CREB1: variants seen among roughly 807,000 people sequenced by gnomAD.
CREB1 encodes cyclic AMP-responsive element-binding protein 1.
CREB1 carries 2 observed loss-of-function variants against 42.0 expected under a neutral mutation model. The ratio of observed to expected loss-of-function variants is 0.05; its 90% CI spans 0.02 to 0.15. The LOEUF (loss-of-function observed/expected upper bound fraction) is 0.15, where lower values mean the gene tolerates loss of function less well. CREB1 is among the 10% of genes least tolerant of loss of function. The pLI, the probability that CREB1 is intolerant of heterozygous loss-of-function variation, is 1.00. For missense variants in CREB1, 199 were observed against 388.9 expected, an observed-to-expected ratio of 0.51 and a Z score of 4.11; for synonymous variants, 123 against 139.9, an observed-to-expected ratio of 0.88 and a Z score of 0.85.
At chr2:207,585,614 A>C (rs1014621421) in intron 7 of CREB1, among the ~76,000 whole-genome samples, 1 of 152,234 alleles carries the variant, frequency 6.6e-6, no homozygotes, top group Non-Finnish European at 1.5e-5. Flanking sequence ...CTGAAAAGGA[A>C]TTGAAAATAA....
chr2:207,553,663 A>ATT lies in CREB1; in HGVS notation c.-8-1964_-8-1963dup, dbSNP rs1185844638. 9.1e-4 allele frequency among the ~76,000 whole-genome samples: 139 copies of ATT among 152,326 alleles called. 2 individuals are homozygous for ATT. Among genetic ancestry groups the ATT allele is most frequent in the African/African-American group, 3.2e-3 (132 of 41,584 alleles). ...CATGATTAAAGTATAGTTTTGGCTTATTAAAGTGTTATATATGTCTTCTGA... is the reference window on the plus strand; with the variant it reads ...CATGATTAAAGTATAGTTTTGGCTTATTTTAAAGTGTTATATATGTCTTCTGA... On this transcript the variant is annotated intron_variant, in intron 1 of 7. Transcript: ENST00000353267.
Position 207,577,548 on chromosome 2 carries a change from C to G in CREB1, c.732C>G (p.Pro244=). The part of the protein sequence containing the change: ...DVQTYQIRTA[P]TSTIAPGVVM... ...AAACATACCAGATTCGCACAGCACC[C>G]ACTAGCACTATTGCCCCTGGAGTTG... is the stretch of plus-strand genomic sequence containing the variant. The change falls in exon 7 of 8, where the codon CCC becomes CCG. Residue 244 remains proline (P), a synonymous_variant. Coordinates refer to ENST00000353267, the MANE Select transcript of CREB1 (RefSeq NM_004379.5). The G allele has an allele frequency of 2.5e-6, 4 of 1,614,052 alleles. No individual in the cohort carries two copies. Among genetic ancestry groups the G allele is most frequent in the African/African-American group, 2.7e-5 (2 of 75,020 alleles).
At chr2:207,548,736 C>CA (rs1184003131) in intron 1 of CREB1, among the ~76,000 whole-genome samples, 4 of 151,966 alleles carry the variant, frequency 2.6e-5, no homozygotes, top group Non-Finnish European at 4.4e-5. Context: ...GGGCAATGAG[C>CA]AAAACTCTGT....
chr2:207,553,628 A>T (rs940197210), intron 1 of CREB1, among the ~76,000 whole-genome samples: 1 of 152,238 alleles, frequency 6.6e-6, no homozygotes, highest in Non-Finnish European at 1.5e-5. Context: ...CTTTGTATGC[A>T]TCTCAAAATC....
At chr2:207,545,981 C>T (rs1286396949) in intron 1 of CREB1, among the ~76,000 whole-genome samples, 2 of 152,158 alleles carry the variant, frequency 1.3e-5, no homozygotes, top group African/African-American at 2.4e-5. Flanking sequence ...GTGATCTGCC[C>T]GCCTTGGCCT....
chr2:207,553,257 T>C (rs2081587376), intron 1 of CREB1, among the ~76,000 whole-genome samples: 1 of 150,828 alleles, frequency 6.6e-6, no homozygotes. Flanking sequence ...TTAGTAGAGA[T>C]GAGGTTTCAC....
intron 3 of CREB1, among the ~76,000 whole-genome samples, chr2:207,564,975 G>T (rs184329370): frequency 6.6e-6 from 1 of 151,226 alleles, no homozygotes; most frequent in Non-Finnish European, 1.5e-5. Flanking sequence ...TTTTTATTCT[G>T]TTATTTATAA....
Position 207,577,587 on chromosome 2 carries a change from C to T in CREB1, c.771C>T (p.Ser257=). 2 of 1,614,012 alleles carry T rather than the reference C, an allele frequency of 1.2e-6. No homozygotes were observed. Among genetic ancestry groups the T allele is most frequent in the Non-Finnish European group, 1.7e-6 (2 of 1,179,968 alleles). Residue 257 remains serine, a synonymous_variant, in exon 7 of 8, where the codon TCC becomes TCT. Coordinates refer to ENST00000353267, the MANE Select transcript of CREB1 (RefSeq NM_004379.5). ...CCCCTGGAGTTGTTATGGCATCCTC[C>T]CCAGCACTTCCTACACAGCCTGCTG... ...TIAPGVVMAS[S]PALPTQPAEE...
At chr2:207,577,088 G>T in intron 6 of CREB1, 1 of 967,026 alleles carries the variant, frequency 1.0e-6, no homozygotes, top group Non-Finnish European at 1.2e-6. Flanking sequence ...AAAAATCATG[G>T]TCGTTTTTAT....
At chr2:207,572,872 C>G (rs1000866277) in intron 5 of CREB1, among the ~76,000 whole-genome samples, 2 of 151,830 alleles carry the variant, frequency 1.3e-5, no homozygotes, top group African/African-American at 4.8e-5. Context: ...AAGTACCCTT[C>G]CAGGTGGAGG....
chr2:207,579,647 C>T (rs1219278449), intron 7 of CREB1, among the ~76,000 whole-genome samples: 1 of 152,176 alleles, frequency 6.6e-6, no homozygotes, highest in Non-Finnish European at 1.5e-5. Flanking sequence ...CATAACATTA[C>T]TTTGCTTAGA....
At position 207,601,048 on chromosome 2, in the gene CREB1, A is replaced by G. The variant is rs139870509; in HGVS notation, c.*3990A>G. 412 of 190,480 alleles carry G rather than the reference A, an allele frequency of 2.2e-3. No individual in the cohort carries two copies. Among genetic ancestry groups the G allele is most frequent in the Middle Eastern group, 9.4e-3 (5 of 532 alleles). 11.8% of individuals were successfully genotyped at this position (190,480 alleles called of 1,614,324 possible). A position where few individuals can be genotyped will look rare whatever the true frequency, so the allele number is the denominator to read the frequency against. ...TTGCAGGATTAAGTAGGGCTAATGT[A>G]TCTTAAAGTTAAGATCTTGAATTAA... On this transcript the variant is annotated 3_prime_UTR_variant, in exon 8 of 8. Coordinates refer to ENST00000353267, the MANE Select transcript of CREB1 (RefSeq NM_004379.5).
chr2:207,576,723 ACTCAAACC>A (rs1425218212), intron 6 of CREB1: 19 of 1,198,556 alleles, frequency 1.6e-5, no homozygotes, highest in Admixed American at 6.2e-5. Context: ...AATCTTTTCC[ACTCAAACC>A]ATACATTTTA....
chr2:207,577,609 G>A lies in CREB1; in HGVS notation c.793G>A (p.Ala265Thr). 1 of 1,614,026 alleles carries A rather than the reference G, an allele frequency of 6.2e-7. No individual in the cohort carries two copies. The highest frequency in any genetic ancestry group is 8.5e-7 in the Non-Finnish European group (1 of 1,179,982). ...CTCCCCAGCACTTCCTACACAGCCT[G>A]CTGAAGAAGCAGCACGAAAGAGAGA... ...ASSPALPTQP[A>T]EEAARKREVR... The change falls in exon 7 of 8, where the codon GCT becomes ACT. Residue 265 changes from alanine to threonine, a missense_variant. Physicochemically the swap from Ala to Thr is moderately conservative, Grantham distance 58. Transcript: ENST00000353267.
intron 7 of CREB1, among the ~76,000 whole-genome samples, chr2:207,585,017 A>G (rs558056177): frequency 6.6e-6 from 1 of 151,264 alleles, no homozygotes; most frequent in South Asian, 2.1e-4. Flanking sequence ...ACACACGTCT[A>G]GGAGCCTATG....
In CREB1 at chr2:207,575,474, A is replaced by C; in HGVS notation, c.688+20A>C. ...TTCAAGGTAAGGGAATTCAGAATTCACAGGTGTGGTAAATTCTTCAAAATA... is the reference window on the plus strand; with the variant it reads ...TTCAAGGTAAGGGAATTCAGAATTCCCAGGTGTGGTAAATTCTTCAAAATA... On this transcript the variant is annotated intron_variant, in intron 6 of 7. Transcript: ENST00000353267. The C allele has an allele frequency of 1.3e-6, 2 of 1,577,814 alleles. No homozygotes were observed. Among genetic ancestry groups the C allele is most frequent in the Non-Finnish European group, 1.7e-6 (2 of 1,154,856 alleles).
chr2:207,538,573 A>G (rs910142876), intron 1 of CREB1, among the ~76,000 whole-genome samples: 1 of 152,196 alleles, frequency 6.6e-6, no homozygotes, highest in African/African-American at 2.4e-5. Context: ...CTAAAAAATA[A>G]TCTTAAAAGG....
chr2:207,590,279 G>A (rs904244669), intron 7 of CREB1, among the ~76,000 whole-genome samples: 1 of 151,110 alleles, frequency 6.6e-6, no homozygotes, highest in Non-Finnish European at 1.5e-5. Context: ...ATGTCCCCCC[G>A]CTTCATTCCT....
At chr2:207,582,810 G>A in intron 7 of CREB1, 1 of 316,966 alleles carries the variant, frequency 3.2e-6, no homozygotes, top group Non-Finnish European at 6.4e-6. Context: ...GAAGAATTGT[G>A]CGAACCTGGG....
Sources: allele counts gnomAD v4.1 joint callset (sites outside exome capture counted in the v4.1 genomes callset), GRCh38; gene constraint gnomAD v4.1.1; transcripts MANE v1.5; gene names NCBI Gene and HGNC (gene_info 2026-07-23, HGNC 2026-07-21).